Variants in SKAP1 observed in about 807,000 individuals in gnomAD.
The protein encoded by SKAP1 is src kinase associated phosphoprotein 1, also known as src kinase-associated phosphoprotein 1.
In SKAP1, 44 loss-of-function variants were observed where a neutral mutation model predicts 58.5. The ratio of observed to expected loss-of-function variants is 0.75; its 90% CI spans 0.59 to 0.97. SKAP1 has a LOEUF of 0.97. SKAP1 is among the 50% of genes least tolerant of loss of function. The pLI, the probability that SKAP1 is intolerant of heterozygous loss-of-function variation, is 0.00. For synonymous variants in SKAP1, 127 were observed against 149.7 expected, an observed-to-expected ratio of 0.85 and a Z score of 1.11; for missense variants, 390 against 435.2, an observed-to-expected ratio of 0.90 and a Z score of 0.92.
intron 4 of SKAP1, among the ~76,000 whole-genome samples, chr17:48,231,292 A>G (rs918755797): frequency 6.6e-6 from 1 of 152,114 alleles, no homozygotes; most frequent in African/African-American, 2.4e-5. Context: ...TTTGAGAGAG[A>G]TCTTCACACT....
intron 4 of SKAP1, among the ~76,000 whole-genome samples, chr17:48,305,103 G>T (rs1426983320): frequency 6.6e-6 from 1 of 152,206 alleles, no homozygotes; most frequent in African/African-American, 2.4e-5. Flanking sequence ...AATGGTTGGA[G>T]AAAAATCATA....
At position 48,330,181 on chromosome 17, in the gene SKAP1, C is replaced by T. The variant is rs375290429; in HGVS notation, c.280+15724G>A. 1.4e-4 allele frequency among the ~76,000 whole-genome samples: 22 copies of T among 152,232 alleles called. No individual in the cohort carries two copies. In the East Asian group the frequency reaches 3.7e-3, roughly 25 times the overall value. ...GGCTTTCTCTTGTACTCCTAGAATG[C>T]AGGTAAACTTAAGTTTTTCTCTATG... On this transcript the variant is annotated intron_variant, in intron 4 of 12. Coordinates refer to ENST00000336915, the MANE Select transcript of SKAP1 (RefSeq NM_003726.4).
the SKAP1 span, among the ~76,000 whole-genome samples, chr17:48,441,655 G>C: frequency 2.6e-5 from 4 of 152,152 alleles, no homozygotes; most frequent in Non-Finnish European, 5.9e-5. Flanking sequence ...GGCCATTGAG[G>C]AGAGTATAAA....
chr17:48,171,118 T>TTA (rs1290673725), intron 9 of SKAP1, among the ~76,000 whole-genome samples: 2 of 139,992 alleles, frequency 1.4e-5, no homozygotes, highest in Admixed American at 7.2e-5. Context: ...TTTTTTTTTT[T>TTA]AGGCAGAGTT....
intron 4 of SKAP1, among the ~76,000 whole-genome samples, chr17:48,260,922 C>A (rs1017372921): frequency 6.6e-6 from 1 of 152,124 alleles, no homozygotes; most frequent in Non-Finnish European, 1.5e-5. Context: ...TGTTCCCCTG[C>A]CTGGAACATT....
intron 10 of SKAP1, 113 bp downstream of exon 10, chr17:48,170,496 A>T: frequency 1.1e-6 from 1 of 893,830 alleles, no homozygotes; most frequent in Non-Finnish European, 1.9e-6. Context: ...ACACACAGGT[A>T]CCCTCTTAAT....
chr17:48,150,953 C>T (rs935404206), intron 11 of SKAP1, among the ~76,000 whole-genome samples: 1 of 152,042 alleles, frequency 6.6e-6, no homozygotes, highest in African/African-American at 2.4e-5. Flanking sequence ...TGACAACAGA[C>T]GGGGATTTCA....
intron 4 of SKAP1, among the ~76,000 whole-genome samples, chr17:48,300,095 C>T (rs1298262545): frequency 6.6e-6 from 1 of 152,058 alleles, no homozygotes; most frequent in African/African-American, 2.4e-5. Context: ...TATTATTTCC[C>T]CTGTGTGCTC....
At chr17:48,435,679 C>A in the SKAP1 span, among the ~76,000 whole-genome samples, 1 of 152,114 alleles carries the variant, frequency 6.6e-6, no homozygotes, top group Non-Finnish European at 1.5e-5. Context: ...TTTAAGTTCC[C>A]AAACCCCTTC....
At chr17:48,357,278 A>G (rs756563561) in intron 3 of SKAP1, among the ~76,000 whole-genome samples, 1 of 152,202 alleles carries the variant, frequency 6.6e-6, no homozygotes, top group Non-Finnish European at 1.5e-5. Flanking sequence ...TAGAAAGGAC[A>G]TAAAAATCTT....
intron 9 of SKAP1, among the ~76,000 whole-genome samples, chr17:48,171,093 GTTTTTTTTTTTT>G (rs71141969): frequency 8.5e-5 from 6 of 70,242 alleles, no homozygotes; most frequent in African/African-American, 1.2e-4. Flanking sequence ...AATTACTGTT[GTTTTTTTTTTTT>G]TTTTTTTTTT....
chr17:48,197,600 G>A (rs1424933158), intron 4 of SKAP1, among the ~76,000 whole-genome samples: 1 of 152,118 alleles, frequency 6.6e-6, no homozygotes, highest in Non-Finnish European at 1.5e-5. Context: ...GAGGCAGGAG[G>A]ATTGCTTGAG....
chr17:48,243,186 C>A (rs145569713), intron 4 of SKAP1, among the ~76,000 whole-genome samples: 8 of 152,254 alleles, frequency 5.3e-5, no homozygotes, highest in Non-Finnish European at 8.8e-5. Flanking sequence ...AGGACTCTCC[C>A]ATTTAAAACA....
At chr17:48,384,410 GA>G (rs1221552446) in intron 2 of SKAP1, among the ~76,000 whole-genome samples, 2 of 152,126 alleles carry the variant, frequency 1.3e-5, no homozygotes, top group African/African-American at 4.8e-5. Flanking sequence ...CAGAAAACCT[GA>G]CTGACAAGGG....
chr17:48,322,587 G>T (rs1224559666), intron 4 of SKAP1, among the ~76,000 whole-genome samples: 2 of 152,190 alleles, frequency 1.3e-5, no homozygotes, highest in Non-Finnish European at 2.9e-5. Context: ...TATATTCCAG[G>T]CAGGAGGAAG....
At chr17:48,321,397 A>AT (rs2066363446) in intron 4 of SKAP1, among the ~76,000 whole-genome samples, 3 of 136,744 alleles carry the variant, frequency 2.2e-5, no homozygotes, top group African/African-American at 2.7e-5. Context: ...ATTATTATTA[A>AT]GATAGAGTCT....
chr17:48,285,614 G>GA (rs11356632), intron 4 of SKAP1, among the ~76,000 whole-genome samples: 208 of 128,530 alleles, frequency 1.6e-3, no homozygotes, highest in Middle Eastern at 4.3e-3. Flanking sequence ...GACTCCATCT[G>GA]AAAAAAAAAA....
intron 4 of SKAP1, among the ~76,000 whole-genome samples, chr17:48,192,278 T>C (rs2064557379): frequency 6.6e-6 from 1 of 152,060 alleles, no homozygotes; most frequent in Non-Finnish European, 1.5e-5. Flanking sequence ...CCATCTCTTC[T>C]TTCCACAGGT....
At chr17:48,382,155 T>G (rs1032099819) in intron 2 of SKAP1, among the ~76,000 whole-genome samples, 1 of 150,400 alleles carries the variant, frequency 6.6e-6, no homozygotes, top group Non-Finnish European at 1.5e-5. Flanking sequence ...ATGTGTGTGA[T>G]GAATGTTAGC....
Sources: gnomAD v4.1 joint callset for allele counts (sites outside exome capture counted in the v4.1 genomes callset) on GRCh38, gnomAD v4.1.1 for gene constraint, MANE v1.5 for transcripts, NCBI Gene and HGNC (gene_info 2026-07-23, HGNC 2026-07-21) for gene names.